CADPS: variants seen among roughly 807,000 people sequenced by gnomAD.
The protein encoded by CADPS is calcium-dependent secretion activator 1.
Under a neutral mutation model 167.3 loss-of-function variants are expected in CADPS, and 57 were observed. The ratio of observed to expected loss-of-function variants is 0.34; its 90% CI spans 0.28 to 0.42. The LOEUF is 0.42. Among genes scored for constraint, CADPS ranks in the 20% least tolerant of loss-of-function variants. CADPS has a pLI of 1.00. For missense variants in CADPS, 1,414 were observed against 1,738.1 expected, an observed-to-expected ratio of 0.81 and a Z score of 3.32; for synonymous variants, 676 against 635.3, an observed-to-expected ratio of 1.06 and a Z score of -0.96.
At chr3:62,516,294 T>C (rs2068977848) in intron 15 of CADPS, 112 bp from the exon 16 acceptor site, 1 of 1,346,488 alleles carries the variant, frequency 7.4e-7, no homozygotes, top group Non-Finnish European at 1.0e-6. Context: ...CTTAATAAGA[T>C]TGAGAGCCAT....
At chr3:62,408,968 C>G (rs1380368822) in intron 28 of CADPS, among the ~76,000 whole-genome samples, 8 of 152,226 alleles carry the variant, frequency 5.3e-5, no homozygotes, top group Non-Finnish European at 1.2e-4. Context: ...CACCCATATG[C>G]ACTCACGTGC....
At position 62,608,663 on chromosome 3, in the gene CADPS, G is replaced by C. The variant is rs183998305; in HGVS notation, c.1326-15915C>G. Among the ~76,000 whole-genome samples the C allele has an allele frequency of 4.1e-4, 63 of 152,238 alleles. 1 individual carries two copies. The East Asian group carries it at 0.01, about 24-fold the overall frequency. On this transcript the variant is annotated intron_variant, in intron 6 of 29. Transcript: ENST00000383710. The stretch of plus-strand genomic sequence containing the variant: ...ATTAAATATGATTTTTGATTTTATA[G>C]TTATCTTTATATATTTTGGAGTTTA...
chr3:62,544,119 GA>G lies in CADPS; in HGVS notation c.1966+5783del, dbSNP rs1285359332. On this transcript the variant is annotated intron_variant, in intron 11 of 29. Coordinates refer to ENST00000383710, the MANE Select transcript of CADPS (RefSeq NM_003716.4). The surrounding 1 kb of genome is among the most constrained non-coding windows in gnomAD (Gnocchi z 4.4). The stretch of plus-strand genomic sequence containing the variant: ...CTGTGAATCCAAAGCATTTGTAAAT[GA>G]GTGACATGGATTCAGTCTTGTCCTT... Among the ~76,000 whole-genome samples, 1 of 151,994 alleles carries G rather than the reference GA, an allele frequency of 6.6e-6. No individual in the cohort carries two copies. The highest frequency in any genetic ancestry group is 1.5e-5 in the Non-Finnish European group (1 of 67,978).
intron 3 of CADPS, among the ~76,000 whole-genome samples, chr3:62,703,513 T>G (rs2081798696): frequency 6.6e-6 from 1 of 152,168 alleles, no homozygotes; most frequent in African/African-American, 2.4e-5. Context: ...TTGCTGACAT[T>G]TGGCCTGTCC....
intron 10 of CADPS, among the ~76,000 whole-genome samples, chr3:62,552,259 A>T (rs2077431596): frequency 6.7e-6 from 1 of 150,346 alleles, no homozygotes; most frequent in Non-Finnish European, 1.5e-5. Context: ...GGATAGCATT[A>T]GGAGATATAC....
chr3:62,688,256 A>C (rs2078461329), intron 3 of CADPS, among the ~76,000 whole-genome samples: 1 of 151,800 alleles, frequency 6.6e-6, no homozygotes, highest in African/African-American at 2.4e-5. Context: ...AACCAAAAAA[A>C]CCAAAAATAT....
chr3:62,722,801 T>C (rs1468521487), intron 3 of CADPS, among the ~76,000 whole-genome samples: 1 of 152,162 alleles, frequency 6.6e-6, no homozygotes, highest in Non-Finnish European at 1.5e-5. Context: ...GGTTGGGTAA[T>C]TGTTTTTTGT....
chr3:62,527,114 T>A lies in CADPS; in HGVS notation c.2291+5757A>T, dbSNP rs143562302. 6.6e-5 allele frequency among the ~76,000 whole-genome samples: 10 copies of A among 152,308 alleles called. No individual in the cohort carries two copies. In the East Asian group the frequency reaches 1.9e-3, roughly 29 times the overall value. The stretch of plus-strand genomic sequence containing the variant: ...TTTTATAAAATCCCCACATGATTTA[T>A]GTGCACAATGAAGTGTGAGAACCAC... On this transcript the variant is annotated intron_variant, in intron 13 of 29. Transcript: ENST00000383710.
chr3:62,592,628 A>G lies in CADPS; in HGVS notation c.1437+9T>C, dbSNP rs553541069. 3 of 1,606,948 alleles carry G rather than the reference A, an allele frequency of 1.9e-6. No homozygotes were observed. In the African/African-American group the frequency reaches 4.0e-5, roughly 21 times the overall value. The stretch of plus-strand genomic sequence containing the variant: ...CTGTGGAGTTCCCCTTGTGATAAGA[A>G]GTGCTTACCCGCCCAAGCTCCTTGT... On this transcript the variant is annotated intron_variant, in intron 7 of 29. Transcript: ENST00000383710.
intron 3 of CADPS, among the ~76,000 whole-genome samples, chr3:62,672,159 C>T (rs1038982731): frequency 6.6e-6 from 1 of 150,872 alleles, no homozygotes. Context: ...GGTTCTCAAA[C>T]TTTGGTGCCC....
rs964611196 is a variant in CADPS, at chr3:62,426,786, G to A, written c.3777+11318C>T. Among the ~76,000 whole-genome samples, 13 of 151,674 alleles carry A rather than the reference G, an allele frequency of 8.6e-5. No individual in the cohort carries two copies. The East Asian group carries it at 2.1e-3, about 25-fold the overall frequency. On this transcript the variant is annotated intron_variant, in intron 28 of 29. Transcript: ENST00000383710. ...AAGTCCCTTGAAAAGTTGACAGGGCGGTCAGGCATGGTGGCTCACTCCTGT... is the reference window on the plus strand; with the variant it reads ...AAGTCCCTTGAAAAGTTGACAGGGCAGTCAGGCATGGTGGCTCACTCCTGT...
At chr3:62,549,389 T>G (rs1437068444) in intron 11 of CADPS, among the ~76,000 whole-genome samples, 1 of 151,226 alleles carries the variant, frequency 6.6e-6, no homozygotes, top group Non-Finnish European at 1.5e-5. Context: ...GGAGACAGTT[T>G]CATTTTTGGG....
intron 28 of CADPS, among the ~76,000 whole-genome samples, chr3:62,431,254 A>C (rs2053880827): frequency 6.6e-6 from 1 of 152,192 alleles, no homozygotes; most frequent in African/African-American, 2.4e-5. Flanking sequence ...TTACAGTGAC[A>C]CAAGAAATGC....
At chr3:62,441,843 T>C (rs1163340277) in intron 27 of CADPS, among the ~76,000 whole-genome samples, 1 of 152,198 alleles carries the variant, frequency 6.6e-6, no homozygotes, top group Non-Finnish European at 1.5e-5. Flanking sequence ...TGGGCATTAA[T>C]GCTTGCAAAA....
intron 1 of CADPS, among the ~76,000 whole-genome samples, chr3:62,831,490 C>T (rs1010724553): frequency 7.9e-5 from 12 of 152,112 alleles, no homozygotes; most frequent in African/African-American, 2.7e-4. Context: ...ACCTGGACTG[C>T]TGGCATGGTT....
chr3:62,454,576 T>C lies in CADPS; in HGVS notation c.3637-8779A>G, dbSNP rs529069349. 9.2e-5 allele frequency among the ~76,000 whole-genome samples: 14 copies of C among 152,340 alleles called. No individual in the cohort carries two copies. In the South Asian group the frequency reaches 2.9e-3, roughly 32 times the overall value. ...TAACAAAGTTTGAAGGGAAAAGTCCTACCATGACTGTGGAAGTATTTTGAA... is the reference window on the plus strand; with the variant it reads ...TAACAAAGTTTGAAGGGAAAAGTCCCACCATGACTGTGGAAGTATTTTGAA... On this transcript the variant is annotated intron_variant, in intron 26 of 29. Coordinates refer to ENST00000383710, the MANE Select transcript of CADPS (RefSeq NM_003716.4).
intron 28 of CADPS, among the ~76,000 whole-genome samples, chr3:62,426,073 T>G (rs2052588756): frequency 6.6e-6 from 1 of 152,208 alleles, no homozygotes; most frequent in Admixed American, 6.5e-5. Flanking sequence ...TCCCTGTTGG[T>G]GTGGAATGTA....
intron 1 of CADPS, among the ~76,000 whole-genome samples, chr3:62,769,745 G>A (rs572722238): frequency 3.2e-4 from 48 of 152,188 alleles, no homozygotes; most frequent in African/African-American, 1.1e-3. Flanking sequence ...AAGTGCTCAG[G>A]GGCAGAATCA....
At position 62,544,886 on chromosome 3, in the gene CADPS, C is replaced by T. The variant is rs929853775; in HGVS notation, c.1966+5017G>A. 4.0e-6 allele frequency: 5 copies of T among 1,235,556 alleles called. No individual in the cohort carries two copies. The highest frequency in any genetic ancestry group is 5.2e-6 in the Non-Finnish European group (5 of 961,624). 76.5% of individuals were successfully genotyped at this position (1,235,556 alleles called of 1,614,324 possible). A position where few individuals can be genotyped will look rare whatever the true frequency, so the allele number is the denominator to read the frequency against. On this transcript the variant is annotated intron_variant, in intron 11 of 29. Transcript: ENST00000383710. This position sits in a 1 kb window ranked among gnomAD's most constrained non-coding sequence, Gnocchi z 4.4. ...TAGAAGTTAGCAGGGTAAGAAGGAACAAACCAGAATAACATAAAGACTAGC... is the reference window on the plus strand; with the variant it reads ...TAGAAGTTAGCAGGGTAAGAAGGAATAAACCAGAATAACATAAAGACTAGC...
Sources: allele counts gnomAD v4.1 joint callset (sites outside exome capture counted in the v4.1 genomes callset), GRCh38; gene constraint gnomAD v4.1.1; non-coding constraint Gnocchi (gnomAD v3.1); transcripts MANE v1.5; gene names NCBI Gene and HGNC (gene_info 2026-07-23, HGNC 2026-07-21).